ASTN2: variants seen among roughly 807,000 people sequenced by gnomAD.
ASTN2 encodes astrotactin-2.
ASTN2 carries 54 observed loss-of-function variants against 139.8 expected under a neutral mutation model. The ratio of observed to expected loss-of-function variants is 0.39; its 90% confidence interval spans 0.31 to 0.48. The LOEUF (loss-of-function observed/expected upper bound fraction) is 0.48, where lower values mean the gene tolerates loss of function less well. Ranked by LOEUF, ASTN2 falls within the 20% of genes least tolerant of loss-of-function variation. The probability of loss-of-function intolerance (pLI) is 0.95; values close to 1 mark genes in which losing one functional copy is unlikely to be tolerated. For synonymous variants in ASTN2, 756 were observed against 719.5 expected, an observed-to-expected ratio of 1.05 and a Z score of -0.81; for missense variants, 1,565 against 1,725.1, an observed-to-expected ratio of 0.91 and a Z score of 1.64.
chr9:116,625,087 C>T (rs570609825), intron 17 of ASTN2, among the ~76,000 whole-genome samples: 83 of 152,236 alleles, frequency 5.5e-4, no homozygotes, highest in Non-Finnish European at 6.6e-4. Flanking sequence ...CAGTTTGGTG[C>T]TTCTAGCCAA....
intron 2 of ASTN2, among the ~76,000 whole-genome samples, chr9:117,284,547 C>T (rs1256340348): frequency 6.6e-6 from 1 of 152,234 alleles, no homozygotes; most frequent in Non-Finnish European, 1.5e-5. Context: ...AGATCTTTCC[C>T]TGGTGCCTTC....
intron 16 of ASTN2, chr9:116,687,313 G>C (rs991537091): frequency 4.1e-6 from 4 of 982,070 alleles, no homozygotes; most frequent in Non-Finnish European, 4.8e-6. Context: ...GTGCTCAACG[G>C]CGCGTGCGCA....
chr9:117,373,392 T>A (rs1194990554), intron 1 of ASTN2, among the ~76,000 whole-genome samples: 1 of 152,164 alleles, frequency 6.6e-6, no homozygotes, highest in Non-Finnish European at 1.5e-5. Context: ...AAGGAAAGGG[T>A]TATCTTTATT....
chr9:116,536,039 G>A (rs899286591), intron 19 of ASTN2, among the ~76,000 whole-genome samples: 1 of 151,854 alleles, frequency 6.6e-6, no homozygotes, highest in African/African-American at 2.4e-5. Context: ...ATATTTCTTG[G>A]AGGCTTTGTT....
intron 2 of ASTN2, among the ~76,000 whole-genome samples, chr9:117,253,681 T>C (rs1833602149): frequency 6.6e-6 from 1 of 152,192 alleles, no homozygotes; most frequent in Non-Finnish European, 1.5e-5. Context: ...GCCAGAGAAT[T>C]ACAGCAGTTG....
chr9:117,024,926 TATA>T (rs574890384), intron 6 of ASTN2, among the ~76,000 whole-genome samples: 1 of 152,196 alleles, frequency 6.6e-6, no homozygotes, highest in African/African-American at 2.4e-5. Flanking sequence ...ATCTGATGGT[TATA>T]AGGGGAAAGC....
intron 5 of ASTN2, among the ~76,000 whole-genome samples, chr9:117,091,925 T>A (rs1009088433): frequency 3.9e-5 from 6 of 152,096 alleles, no homozygotes; most frequent in Admixed American, 3.3e-4. Flanking sequence ...GAGAGGACTT[T>A]TAGCAGTTTT....
intron 5 of ASTN2, among the ~76,000 whole-genome samples, chr9:117,054,351 T>G (rs1374249758): frequency 6.6e-6 from 1 of 152,198 alleles, no homozygotes; most frequent in African/African-American, 2.4e-5. Flanking sequence ...AGCAAATCCC[T>G]TCCCCTGGCT....
intron 4 of ASTN2, among the ~76,000 whole-genome samples, chr9:117,115,754 G>T (rs112641963): frequency 6.6e-6 from 1 of 151,876 alleles, no homozygotes; most frequent in African/African-American, 2.4e-5. Flanking sequence ...GGCCGGGCGC[G>T]GTGGCTCACA....
chr9:117,059,554 A>T (rs1172282925), intron 5 of ASTN2, among the ~76,000 whole-genome samples: 1 of 152,102 alleles, frequency 6.6e-6, no homozygotes, highest in Admixed American at 6.5e-5. Context: ...TGGAGGTTGC[A>T]GTGAGCCGAG....
intron 10 of ASTN2, among the ~76,000 whole-genome samples, chr9:116,955,073 C>A (rs75356526): frequency 6.6e-6 from 1 of 152,190 alleles, no homozygotes; most frequent in African/African-American, 2.4e-5. Flanking sequence ...GATGAGGACT[C>A]GAAGTCTGGT....
In ASTN2 at chr9:116,698,614, T is replaced by C. The variant is rs762907412; in HGVS notation, c.2806+27157A>G. ...GTAGGTCATGTTGGCCCCCTCCAAA[T>C]TGGACAAGCTGTTAAGAAGCCCCGG... On this transcript the variant is annotated intron_variant, in intron 16 of 22. Coordinates refer to ENST00000313400, the MANE Select transcript of ASTN2 (RefSeq NM_001365068.1). The surrounding 1 kb of genome is among the most constrained non-coding windows in gnomAD (Gnocchi z 4.4). 1 of 1,614,100 alleles carries C rather than the reference T, an allele frequency of 6.2e-7. No individual in the cohort carries two copies. Among genetic ancestry groups the C allele is most frequent in the Non-Finnish European group, 8.5e-7 (1 of 1,180,022 alleles).
chr9:116,800,188 T>C (rs954481043), intron 13 of ASTN2, among the ~76,000 whole-genome samples: 25 of 152,180 alleles, frequency 1.6e-4, no homozygotes, highest in African/African-American at 5.8e-4. Flanking sequence ...CGCCTTCTGC[T>C]GTCTGTCTCT....
chr9:117,172,788 A>G (rs1359304950), intron 3 of ASTN2, among the ~76,000 whole-genome samples: 1 of 152,212 alleles, frequency 6.6e-6, no homozygotes, highest in Admixed American at 6.5e-5. Flanking sequence ...TTTGAGTGCC[A>G]GATGCTGTTT....
chr9:117,339,056 TTTGA>T (rs1306666839), intron 1 of ASTN2, among the ~76,000 whole-genome samples: 2 of 152,076 alleles, frequency 1.3e-5, no homozygotes, highest in African/African-American at 4.8e-5. Context: ...TGAGCTGCTG[TTTGA>T]TCCCAGCTTT....
At chr9:116,621,606 C>T (rs1201659512) in intron 17 of ASTN2, among the ~76,000 whole-genome samples, 3 of 152,130 alleles carry the variant, frequency 2.0e-5, no homozygotes, top group Admixed American at 1.3e-4. Flanking sequence ...GACACCATAA[C>T]ACATAGACCA....
intron 11 of ASTN2, among the ~76,000 whole-genome samples, chr9:116,837,011 AG>A (rs1832019298): frequency 6.6e-6 from 1 of 152,134 alleles, no homozygotes; most frequent in Non-Finnish European, 1.5e-5. Context: ...AGCCATGTTA[AG>A]GCACCTGGAG....
Position 116,898,820 on chromosome 9 carries a change from C to T in ASTN2, c.1890-35087G>A, listed in dbSNP as rs539559174. ...AAGTAGTGAGACTAAAGGCATGTGC[C>T]ACCACACTTGCCTAATTTTTTTAAA... On this transcript the variant is annotated intron_variant, in intron 10 of 22. Transcript: ENST00000313400. Among the ~76,000 whole-genome samples, 24 of 152,270 alleles carry T rather than the reference C, an allele frequency of 1.6e-4. No individual in the cohort carries two copies. In the South Asian group the frequency reaches 5.0e-3, roughly 32 times the overall value.
intron 6 of ASTN2, among the ~76,000 whole-genome samples, chr9:117,036,872 C>T (rs558944162): frequency 6.6e-6 from 1 of 152,240 alleles, no homozygotes; most frequent in South Asian, 2.1e-4. Flanking sequence ...GCTTGTTTCA[C>T]AACAGTCCTT....
Sources: gnomAD v4.1 joint callset for allele counts (sites outside exome capture counted in the v4.1 genomes callset) on GRCh38, gnomAD v4.1.1 for gene constraint, Gnocchi (gnomAD v3.1) non-coding constraint, MANE v1.5 for transcripts, NCBI Gene and HGNC (gene_info 2026-07-23, HGNC 2026-07-21) for gene names.